The following CAND2 variants were observed in gnomAD, a reference collection of about 807,000 sequenced individuals.
The protein encoded by CAND2 is cullin-associated NEDD8-dissociated protein 2.
Under a neutral mutation model 98.9 loss-of-function variants are expected in CAND2, and 62 were observed. The ratio of observed to expected loss-of-function variants is 0.63; its 90% CI spans 0.51 to 0.77. The LOEUF is 0.77. Among genes scored for constraint, CAND2 ranks in the 30% least tolerant of loss-of-function variants. CAND2 has a pLI of 0.00. For synonymous variants in CAND2, 770 were observed against 731.9 expected (o/e 1.05, Z -0.84); for missense variants, 1,501 against 1,655.2 (o/e 0.91, Z 1.62).
At chr3:12,807,643 G>A (rs1401137795) in intron 3 of CAND2, among the ~76,000 whole-genome samples, 183 bp downstream of exon 3, 1 of 152,228 alleles carries the variant, frequency 6.6e-6, no homozygotes, top group Non-Finnish European at 1.5e-5. Flanking sequence ...ATGGTTCTGT[G>A]TCAGGAATGC....
Position 12,821,577 on chromosome 3 carries a change from C to G in CAND2, c.3040+1396C>G, listed in dbSNP as rs532045207. Among the ~76,000 whole-genome samples, 8 of 152,310 alleles carry G rather than the reference C, an allele frequency of 5.3e-5. No individual in the cohort carries two copies. In the South Asian group the frequency reaches 6.2e-4, roughly 12 times the overall value. ...CCCTAATGCAGTGGGCACATGCCCC[C>G]CCTCCGGCCTGATTTCCTCCATTGT... On this transcript the variant is annotated intron_variant, in intron 11 of 14. Transcript: ENST00000456430.
In CAND2 at chr3:12,817,364, T is replaced by C. The variant is rs944391991; in HGVS notation, c.2432T>C (p.Leu811Pro). ...TCATTGGCCCGGTGTGTGGCAGCCC[T>C]CTCAGCTGCCTGTCCCCAAGAGGCG... ...FHSLARCVAA[L>P]SAACPQEAAS... The change falls in exon 10 of 15, where the codon CTC becomes CCC. Residue 811 changes from leucine to proline, a missense_variant. Physicochemically the swap from Leu to Pro is moderately conservative, Grantham distance 98. Transcript: ENST00000456430. The C allele has an allele frequency of 3.1e-6, 5 of 1,613,802 alleles. No individual in the cohort carries two copies. The highest frequency in any genetic ancestry group is 3.4e-6 in the Non-Finnish European group (4 of 1,180,020).
chr3:12,808,395 A>G (rs997872906), intron 4 of CAND2, 62 bp downstream of exon 4: 1 of 1,532,800 alleles, frequency 6.5e-7, no homozygotes, highest in Non-Finnish European at 8.8e-7. Flanking sequence ...GAGGGACTCA[A>G]ATCACAGAGC....
chr3:12,828,030 A>G (rs2124872240), intron 13 of CAND2, among the ~76,000 whole-genome samples: 1 of 151,406 alleles, frequency 6.6e-6, no homozygotes, highest in East Asian at 1.9e-4. Flanking sequence ...CCTGCAGGGC[A>G]CTTTCAGCTG....
chr3:12,798,652 G>C (rs879928086), intron 1 of CAND2, among the ~76,000 whole-genome samples: 5 of 152,210 alleles, frequency 3.3e-5, no homozygotes, highest in Non-Finnish European at 7.3e-5. Context: ...GTGTCTCTCA[G>C]GCCTCTGGTC....
rs747947187 is a variant in CAND2 at position 12,816,885 on chromosome 3, C to T, written c.1953C>T (p.Ala651=). ...PLQLDLQPIL[A]EALHILASFL... is the part of the protein sequence containing the mutation. Reference sequence around the variant, plus strand: ...AGCTTGACCTACAGCCCATCCTGGCCGAGGCACTGCACATTCTGGCCTCAT... The same window carrying T: ...AGCTTGACCTACAGCCCATCCTGGCTGAGGCACTGCACATTCTGGCCTCAT... Residue 651 remains alanine (A), a synonymous_variant, in exon 10 of 15, where the codon GCC becomes GCT. Coordinates refer to ENST00000456430, the MANE Select transcript of CAND2 (RefSeq NM_001162499.2). The T allele has an allele frequency of 4.5e-5, 72 of 1,613,884 alleles. No homozygotes were observed. The highest frequency in any genetic ancestry group is 4.2e-4 in the South Asian group (38 of 91,084).
intron 4 of CAND2, among the ~76,000 whole-genome samples, chr3:12,808,682 G>A (rs2061826018): frequency 6.6e-6 from 1 of 152,212 alleles, no homozygotes; most frequent in Non-Finnish European, 1.5e-5. Flanking sequence ...AAGGATAAGA[G>A]CAGGGCTGAT....
At chr3:12,819,845 G>A (rs571278299) in intron 10 of CAND2, among the ~76,000 whole-genome samples, 62 of 152,290 alleles carry the variant, frequency 4.1e-4, no homozygotes, top group African/African-American at 1.5e-3. Flanking sequence ...TTGGTTCCCT[G>A]TTTGCAGCCT....
At chr3:12,811,117 C>CG (rs869067985) in intron 5 of CAND2, among the ~76,000 whole-genome samples, 1 of 143,868 alleles carries the variant, frequency 7.0e-6, no homozygotes, top group Non-Finnish European at 1.5e-5. Flanking sequence ...AGGCACACGG[C>CG]GGGGGGTGGG....
At position 12,816,715 on chromosome 3, in the gene CAND2, A is replaced by G; in HGVS notation, c.1783A>G (p.Met595Val). ...QEVKERAISC[M>V]GHLVGHLGDR... ...GGTGAAGGAGCGGGCCATTTCCTGCATGGGCCACCTTGTAGGCCACCTGGG... is the reference window on the plus strand; with the variant it reads ...GGTGAAGGAGCGGGCCATTTCCTGCGTGGGCCACCTTGTAGGCCACCTGGG... Residue 595 changes from methionine to valine, a missense_variant, in exon 10 of 15, where the codon ATG (methionine) becomes GTG (valine). Physicochemically the swap from Met to Val is conservative, Grantham distance 21. This residue lies in a region of CAND2 where 1,427 missense variants were observed against 1,545.3 expected (regional missense o/e 0.92). Transcript: ENST00000456430. 1.2e-6 allele frequency: 2 copies of G among 1,613,640 alleles called. No homozygotes were observed. The highest frequency in any genetic ancestry group is 1.7e-6 in the Non-Finnish European group (2 of 1,180,038).
rs903294279 is a variant in CAND2 at position 12,815,185 on chromosome 3, G to C, written c.1051G>C (p.Val351Leu). ...YSDDDDMSWKVRRAAAKCIAA... is the reference protein window; with the variant it reads ...YSDDDDMSWKLRRAAAKCIAA... ...CGATGACGATGACATGAGCTGGAAG[G>C]TGCGCCGGGCAGCTGCCAAGTGCAT... is the stretch of plus-strand genomic sequence containing the variant. Residue 351 changes from valine (V) to leucine (L), a missense_variant, in exon 8 of 15, where the codon GTG becomes CTG. Around this residue, in one of 3 missense-constraint regions of CAND2, gnomAD observed 1,427 missense variants for 1,545.3 expected, o/e 0.92. Coordinates refer to ENST00000456430, the MANE Select transcript of CAND2 (RefSeq NM_001162499.2). The surrounding 1 kb of genome is among the most constrained non-coding windows in gnomAD (Gnocchi z 5.7). 2.5e-6 allele frequency: 4 copies of C among 1,613,508 alleles called. No individual in the cohort carries two copies. The African/African-American group carries it at 5.3e-5, about 22-fold the overall frequency.
chr3:12,800,910 A>G (rs1186605562), intron 1 of CAND2, among the ~76,000 whole-genome samples: 7 of 151,818 alleles, frequency 4.6e-5, no homozygotes, highest in Non-Finnish European at 1.5e-5. Context: ...TTTAGTAGAG[A>G]TGGGGTTTCC....
rs777056002 is a variant in CAND2, at chr3:12,825,552, C to G, written c.3123C>G (p.Asn1041Lys). 2 of 1,610,318 alleles carry G rather than the reference C, an allele frequency of 1.2e-6. No homozygotes were observed. Among genetic ancestry groups the G allele is most frequent in the East Asian group, 4.5e-5 (2 of 44,818 alleles). The change falls in exon 12 of 15, where the codon AAC becomes AAG. Residue 1041 changes from asparagine to lysine, a missense_variant. Asn to Lys is a moderately conservative substitution (Grantham distance 94). Around this residue, in one of 3 missense-constraint regions of CAND2, gnomAD observed 1,427 missense variants for 1,545.3 expected, o/e 0.92. Transcript: ENST00000456430. ...TLAFFNSAVH[N>K]KPSLVRDLLD... is the part of the protein sequence containing the mutation. ...CTTTCTTCAACTCAGCTGTGCACAA[C>G]AAGCCCTCGCTAGTCCGGGACCTGC...
chr3:12,800,438 G>A (rs1316257765), intron 1 of CAND2, among the ~76,000 whole-genome samples: 3 of 152,188 alleles, frequency 2.0e-5, no homozygotes, highest in African/African-American at 4.8e-5. Flanking sequence ...CAGGGCCAGC[G>A]TGGGGTGGTA....
intron 11 of CAND2, among the ~76,000 whole-genome samples, chr3:12,823,822 G>A (rs1051151769): frequency 2.0e-5 from 3 of 152,116 alleles, no homozygotes; most frequent in Admixed American, 6.5e-5. Context: ...GCTTGAACCC[G>A]GGAGATGAAG....
chr3:12,818,662 G>A (rs910034913), intron 10 of CAND2, among the ~76,000 whole-genome samples: 1 of 152,240 alleles, frequency 6.6e-6, no homozygotes, highest in African/African-American at 2.4e-5. Flanking sequence ...AGAACCAGTG[G>A]ATGCTCTGCT....
intron 13 of CAND2, among the ~76,000 whole-genome samples, chr3:12,830,397 TG>T (rs1292883882): frequency 6.6e-6 from 1 of 152,206 alleles, no homozygotes; most frequent in African/African-American, 2.4e-5. Context: ...TTCCATCATC[TG>T]GGTGTGCCTG....
chr3:12,801,257 AGAACTTTT>A (rs1427005308), intron 1 of CAND2, among the ~76,000 whole-genome samples: 3 of 151,584 alleles, frequency 2.0e-5, no homozygotes, highest in African/African-American at 7.3e-5. Context: ...AGGCTGATCT[AGAACTTTT>A]GACCTCAGGT....
At chr3:12,831,348 G>T (rs773654490) in intron 13 of CAND2, 117 bp from the exon 14 acceptor site, 87 of 763,904 alleles carry the variant, frequency 1.1e-4, no homozygotes, top group Non-Finnish European at 1.8e-4. Context: ...AGGACTTCAC[G>T]GTGGTCTGAA....
Sources: allele counts gnomAD v4.1 joint callset (sites outside exome capture counted in the v4.1 genomes callset), GRCh38; gene constraint gnomAD v4.1.1; regional missense constraint gnomAD v4.1.1; non-coding constraint Gnocchi (gnomAD v3.1); transcripts MANE v1.5; gene names NCBI Gene and HGNC (gene_info 2026-07-23, HGNC 2026-07-21).